MYOCD: variants seen among roughly 807,000 people sequenced by gnomAD.
MYOCD encodes myocardin.
A neutral mutation model predicts 96.1 loss-of-function variants in MYOCD; 32 were observed. The observed-to-expected ratio is 0.33, with a 90% confidence interval of 0.25 to 0.45. The LOEUF is 0.45. MYOCD is among the 20% of genes least tolerant of loss of function. MYOCD has a pLI of 1.00. For missense variants in MYOCD, 1,133 were observed against 1,200.6 expected (o/e 0.94, Z 0.83); for synonymous variants, 469 against 469.0 (o/e 1.00, Z 0.00).
rs2033280716 is a variant in MYOCD at position 12,764,521 on chromosome 17, A to G, written c.*877A>G. On this transcript the variant is annotated 3_prime_UTR_variant, in exon 14 of 14. Transcript: ENST00000425538. The stretch of plus-strand genomic sequence containing the variant: ...ACCACATTGGTAGAAGTATATCTCG[A>G]GGCACAGGAAGGGAGCCCCACCAGG... The G allele has an allele frequency of 6.6e-6, 1 of 152,276 alleles. No homozygotes were observed. The highest frequency in any genetic ancestry group is 1.5e-5 in the Non-Finnish European group (1 of 68,102). The allele number at this position is 152,276 out of a possible 1,614,324, so 9.4% of individuals were successfully genotyped here.
chr17:12,672,534 G>A (rs1909768303), intron 1 of MYOCD, among the ~76,000 whole-genome samples: 1 of 152,180 alleles, frequency 6.6e-6, no homozygotes, highest in African/African-American at 2.4e-5. Context: ...AAAATAAAAT[G>A]TATCATTTAT....
At chr17:12,715,624 C>A (rs1375653964) in intron 3 of MYOCD, 50 bp downstream of exon 3, 2 of 1,427,788 alleles carry the variant, frequency 1.4e-6, no homozygotes, top group South Asian at 1.2e-5. Context: ...GGTTATGAAT[C>A]TCTGAATGCT....
intron 1 of MYOCD, among the ~76,000 whole-genome samples, chr17:12,695,225 T>C (rs983422968): frequency 2.0e-5 from 3 of 152,174 alleles, no homozygotes; most frequent in South Asian, 2.1e-4. Flanking sequence ...ACAGGCAGGC[T>C]TGGTGTCTGA....
chr17:12,695,779 T>A (rs1448957708), intron 1 of MYOCD, among the ~76,000 whole-genome samples: 2 of 152,220 alleles, frequency 1.3e-5, no homozygotes, highest in Non-Finnish European at 2.9e-5. Flanking sequence ...ACACTCACAC[T>A]GTTGTATAAT....
intron 11 of MYOCD, 138 bp downstream of exon 11, chr17:12,756,695 C>CAAAAAAAAAAAAAAAAAAAAAATAAAAAA (rs11307445): frequency 7.4e-6 from 1 of 134,326 alleles, no homozygotes; most frequent in African/African-American, 4.4e-5. Flanking sequence ...GACTGCATCT[C>CAAAAAAAAAAAAAAAAAAAAAATAAAAAA]AAAAAAAAAA....
intron 5 of MYOCD, among the ~76,000 whole-genome samples, chr17:12,733,161 T>C (rs138658408): frequency 0.011 from 1,707 of 151,962 alleles, 37 homozygotes; most frequent in African/African-American, 0.039. Context: ...ATACAAAAAA[T>C]TAGCCAGATG....
intron 5 of MYOCD, among the ~76,000 whole-genome samples, chr17:12,730,991 TC>T (rs1376405613): frequency 6.6e-6 from 1 of 152,168 alleles, no homozygotes; most frequent in Non-Finnish European, 1.5e-5. Context: ...GAGGAGAGGC[TC>T]CGAGTCACCA....
chr17:12,674,347 C>T (rs138986209), intron 1 of MYOCD, among the ~76,000 whole-genome samples: 1,530 of 152,298 alleles, frequency 0.01, 10 homozygotes, highest in Middle Eastern at 0.02. Flanking sequence ...TTACTGCTAT[C>T]GTCCTTGATT....
chr17:12,669,840 G>A (rs929848225), intron 1 of MYOCD, among the ~76,000 whole-genome samples: 4 of 152,064 alleles, frequency 2.6e-5, no homozygotes, highest in Admixed American at 1.3e-4. Flanking sequence ...GGATGGTCTC[G>A]ATCTCTTGAC....
intron 1 of MYOCD, among the ~76,000 whole-genome samples, chr17:12,668,710 C>T (rs1201046527): frequency 1.3e-5 from 2 of 152,022 alleles, no homozygotes; most frequent in East Asian, 3.9e-4. Flanking sequence ...TTACTAGCTA[C>T]ATGACCCTGA....
At chr17:12,749,580 A>G (rs953966613) in intron 9 of MYOCD, among the ~76,000 whole-genome samples, 2 of 148,270 alleles carry the variant, frequency 1.3e-5, no homozygotes, top group Non-Finnish European at 1.5e-5. Context: ...GTATATATAC[A>G]AAACCTATAT....
chr17:12,693,373 G>T (rs546371089), intron 1 of MYOCD, among the ~76,000 whole-genome samples: 2 of 152,090 alleles, frequency 1.3e-5, no homozygotes, highest in East Asian at 3.9e-4. Context: ...ACTTTGGGAG[G>T]CCGAGGTGGG....
At chr17:12,734,417 CT>C (rs1156684163) in intron 5 of MYOCD, among the ~76,000 whole-genome samples, 2 of 150,410 alleles carry the variant, frequency 1.3e-5, no homozygotes, top group African/African-American at 4.9e-5. Flanking sequence ...GCAGTGACTT[CT>C]AGAGTGGGGA....
rs34863515 is a variant in MYOCD, at chr17:12,744,175, C to CT, written c.718-5dup. 6.2e-7 allele frequency: 1 copy of CT among 1,613,544 alleles called. No individual in the cohort carries two copies. The highest frequency in any genetic ancestry group is 8.5e-7 in the Non-Finnish European group (1 of 1,179,758). ...AAAGCACATGCAATTTCCTCATCTTCTTTGCAGTCCAAATCCTTGGGTGAC... is the reference window on the plus strand; with the variant it reads ...AAAGCACATGCAATTTCCTCATCTTCTTTTGCAGTCCAAATCCTTGGGTGAC... On this transcript the variant is annotated splice_region_variant and splice_polypyrimidine_tract_variant and intron_variant, in intron 7 of 13. Coordinates refer to ENST00000425538, the MANE Select transcript of MYOCD (RefSeq NM_001146312.3).
At chr17:12,687,969 A>T (rs559148237) in intron 1 of MYOCD, among the ~76,000 whole-genome samples, 3 of 152,376 alleles carry the variant, frequency 2.0e-5, no homozygotes, top group African/African-American at 7.2e-5. Context: ...ATGAAACAGA[A>T]GATTAACACA....
chr17:12,740,215 G>A (rs1196482186), intron 7 of MYOCD, among the ~76,000 whole-genome samples: 1 of 152,180 alleles, frequency 6.6e-6, no homozygotes, highest in Non-Finnish European at 1.5e-5. Flanking sequence ...GATTACAGGC[G>A]TGAGCCACTG....
intron 1 of MYOCD, among the ~76,000 whole-genome samples, chr17:12,689,838 T>C (rs1002064977): frequency 5.9e-5 from 9 of 152,102 alleles, no homozygotes; most frequent in African/African-American, 2.2e-4. Context: ...CTCAAAAAGT[T>C]TTTTTGAAAA....
chr17:12,691,657 C>G (rs1158752601), intron 1 of MYOCD, among the ~76,000 whole-genome samples: 1 of 152,136 alleles, frequency 6.6e-6, no homozygotes, highest in East Asian at 1.9e-4. Context: ...ATGCCCTTCA[C>G]CCTCGCACCA....
chr17:12,699,672 T>C (rs553444823), intron 1 of MYOCD, among the ~76,000 whole-genome samples: 6 of 152,174 alleles, frequency 3.9e-5, no homozygotes, highest in Non-Finnish European at 8.8e-5. Context: ...ATAACTCTGA[T>C]ACATGTTTTC....
Sources: allele counts gnomAD v4.1 joint callset (sites outside exome capture counted in the v4.1 genomes callset), GRCh38; gene constraint gnomAD v4.1.1; transcripts MANE v1.5; gene names NCBI Gene and HGNC (gene_info 2026-07-23, HGNC 2026-07-21).